Variants in FBN2 observed in about 807,000 individuals in gnomAD.
The protein encoded by FBN2 is fibrillin 2.
FBN2 carries 105 observed loss-of-function variants against 355.6 expected under a neutral mutation model. The ratio of observed to expected loss-of-function variants is 0.30; its 90% confidence interval spans 0.25 to 0.35. FBN2 has a LOEUF of 0.35. FBN2 is among the 10% of genes least tolerant of loss of function. FBN2 has a pLI of 1.00. For synonymous variants in FBN2, 1,350 were observed against 1,301.2 expected, an observed-to-expected ratio of 1.04 and a Z score of -0.81; for missense variants, 3,280 against 3,758.7, an observed-to-expected ratio of 0.87 and a Z score of 3.33.
chr5:128,273,872 A>G lies in FBN2; in HGVS notation c.7808T>C (p.Phe2603Ser), dbSNP rs374507398. ...GTTCAGTCCGGTGGCATCAAGAGAG[A>G]ACCCTCTTTGGCATTCACAGCTGAA... ...GSFSCECQRG[F>S]SLDATGLNCE... Residue 2603 changes from phenylalanine (F) to serine (S), a missense_variant, in exon 61 of 65, where the codon TTC becomes TCC. Transcript: ENST00000262464. 6.0e-5 allele frequency: 97 copies of G among 1,613,820 alleles called. No homozygotes were observed. Among genetic ancestry groups the G allele is most frequent in the Non-Finnish European group, 7.7e-5 (91 of 1,179,874 alleles).
At chr5:128,342,156 G>A (rs1314649245) in intron 25 of FBN2, among the ~76,000 whole-genome samples, 1 of 152,094 alleles carries the variant, frequency 6.6e-6, no homozygotes, top group Non-Finnish European at 1.5e-5. Flanking sequence ...AAGTCATGAT[G>A]GTAGATGAAA....
intron 58 of FBN2, among the ~76,000 whole-genome samples, chr5:128,277,391 A>T (rs1443479646): frequency 6.6e-6 from 1 of 152,194 alleles, no homozygotes; most frequent in Non-Finnish European, 1.5e-5. Flanking sequence ...TTATTTAGGT[A>T]ATGCTTACTT....
intron 7 of FBN2, among the ~76,000 whole-genome samples, chr5:128,427,946 G>T (rs1023610895): frequency 6.6e-6 from 1 of 152,150 alleles, no homozygotes; most frequent in African/African-American, 2.4e-5. Flanking sequence ...TCCTCGCTAT[G>T]TTCTCCCCAC....
At chr5:128,457,706 C>A (rs1561466691) in intron 6 of FBN2, among the ~76,000 whole-genome samples, 1 of 152,066 alleles carries the variant, frequency 6.6e-6, no homozygotes, top group Non-Finnish European at 1.5e-5. Flanking sequence ...CCAAGCTAAG[C>A]TTCATAAGCA....
Position 128,278,775 on chromosome 5 carries a change from C to A in FBN2, c.7205G>T (p.Arg2402Leu), listed in dbSNP as rs148014419. Residue 2402 changes from arginine (R) to leucine (L), a missense_variant, in exon 57 of 65, where the codon CGC becomes CTC. Transcript: ENST00000262464. Reference protein sequence around the residue: ...QTICQMASSSRNLVTKSECCC... With the variant: ...QTICQMASSSLNLVTKSECCC... ...GCATTCTGACTTAGTGACGAGATTGCGACTACTGGATGCCATTTGACATAT... is the reference window on the plus strand; with the variant it reads ...GCATTCTGACTTAGTGACGAGATTGAGACTACTGGATGCCATTTGACATAT... 6.2e-7 allele frequency: 1 copy of A among 1,614,062 alleles called. No individual in the cohort carries two copies. Among genetic ancestry groups the A allele is most frequent in the Non-Finnish European group, 8.5e-7 (1 of 1,179,984 alleles).
Position 128,361,713 on chromosome 5 carries a change from C to G in FBN2, c.2554+10G>C. 6.2e-7 allele frequency: 1 copy of G among 1,614,084 alleles called. No individual in the cohort carries two copies. Among genetic ancestry groups the G allele is most frequent in the Admixed American group, 1.7e-5 (1 of 60,024 alleles). ...CTATGCACAAATAAGGCGATGAAGA[C>G]AGCTCTTACCTTCACAGGTCTCTGT... On this transcript the variant is annotated intron_variant, in intron 19 of 64. Transcript: ENST00000262464.
At chr5:128,276,008 G>T (rs773551423) in intron 59 of FBN2, 30 bp downstream of exon 59, 12 of 1,610,764 alleles carry the variant, frequency 7.4e-6, no homozygotes, top group Admixed American at 1.7e-5. Context: ...TACAGACTAG[G>T]GTCACGATTG....
intron 6 of FBN2, among the ~76,000 whole-genome samples, chr5:128,464,145 GA>G (rs1271329497): frequency 1.3e-5 from 2 of 152,194 alleles, no homozygotes; most frequent in African/African-American, 2.4e-5. Flanking sequence ...TCAGGGCCCT[GA>G]TCTGGCCCTA....
At chr5:128,322,399 G>A (rs1386784359) in intron 34 of FBN2, among the ~76,000 whole-genome samples, 1 of 151,976 alleles carries the variant, frequency 6.6e-6, no homozygotes, top group Non-Finnish European at 1.5e-5. Flanking sequence ...GTTTTCTTCT[G>A]GCGTTTTTTA....
At chr5:128,298,541 T>C (rs1457784268) in intron 48 of FBN2, among the ~76,000 whole-genome samples, 4 of 152,112 alleles carry the variant, frequency 2.6e-5, no homozygotes, top group African/African-American at 9.7e-5. Flanking sequence ...CATTTCTTTT[T>C]ATTCTTTTTT....
chr5:128,424,635 A>C (rs1264584977), intron 7 of FBN2, among the ~76,000 whole-genome samples: 1 of 152,120 alleles, frequency 6.6e-6, no homozygotes, highest in Non-Finnish European at 1.5e-5. Flanking sequence ...CTTTGTTATC[A>C]TTAATAGGAA....
Position 128,412,571 on chromosome 5 carries a change from AAAC to A in FBN2, c.953-3775_953-3773del, listed in dbSNP as rs527973993. On this transcript the variant is annotated intron_variant, in intron 7 of 64. Transcript: ENST00000262464. ...CGAGTGAAGTTAGCTTCCAACTAAT[AAAC>A]AACAACAACAACAACAACAAAAAAC... Among the ~76,000 whole-genome samples the A allele has an allele frequency of 8.0e-3, 1,217 of 152,172 alleles. 17 individuals carry two copies. The highest frequency in any genetic ancestry group is 0.027 in the Middle Eastern group (8 of 294).
rs544018925 is a variant in FBN2, at chr5:128,430,677, C to T, written c.952+15804G>A. On this transcript the variant is annotated intron_variant, in intron 7 of 64. Coordinates refer to ENST00000262464, the MANE Select transcript of FBN2 (RefSeq NM_001999.4). ...TGACCAACATGGTGAAACCCTGTCT[C>T]TACTAAAAATACAAAAATCAGCCAG... Among the ~76,000 whole-genome samples, 13 of 152,048 alleles carry T rather than the reference C, an allele frequency of 8.5e-5. No individual in the cohort carries two copies. The East Asian group carries it at 2.5e-3, about 29-fold the overall frequency.
chr5:128,294,208 G>A (rs952298409), intron 48 of FBN2, among the ~76,000 whole-genome samples: 1 of 152,022 alleles, frequency 6.6e-6, no homozygotes, highest in Non-Finnish European at 1.5e-5. Flanking sequence ...TGGTGTATAT[G>A]TGCCACATTT....
intron 5 of FBN2, among the ~76,000 whole-genome samples, chr5:128,486,945 T>G (rs1343422903): frequency 1.3e-5 from 2 of 152,200 alleles, no homozygotes; most frequent in African/African-American, 4.8e-5. Context: ...GGACATGAAC[T>G]CATGCAACTC....
intron 59 of FBN2, 152 bp downstream of exon 59, chr5:128,275,886 G>T: frequency 1.2e-6 from 1 of 842,124 alleles, no homozygotes; most frequent in Non-Finnish European, 2.0e-6. Flanking sequence ...TGAGCATATT[G>T]GTAGAGTTTT....
chr5:128,349,444 G>A lies in FBN2; in HGVS notation c.2892C>T (p.Gly964=), dbSNP rs760168686. 8 of 1,613,894 alleles carry A rather than the reference G, an allele frequency of 5.0e-6. No homozygotes were observed. Among genetic ancestry groups the A allele is most frequent in the South Asian group, 2.2e-5 (2 of 91,042 alleles). The change falls in exon 23 of 65, where the codon GGC becomes GGT. Residue 964 remains glycine (G), a synonymous_variant. Coordinates refer to ENST00000262464, the MANE Select transcript of FBN2 (RefSeq NM_001999.4). Reference sequence around the variant, plus strand: ...TGACACAGCGTCCATTTGGACAAACGCCAGGGAACACCTCACACTCATTAA... The same window carrying A: ...TGACACAGCGTCCATTTGGACAAACACCAGGGAACACCTCACACTCATTAA... ...EDVNECEVFP[G]VCPNGRCVNS...
At chr5:128,415,380 C>G (rs1233781005) in intron 7 of FBN2, among the ~76,000 whole-genome samples, 1 of 152,136 alleles carries the variant, frequency 6.6e-6, no homozygotes, top group African/African-American at 2.4e-5. Flanking sequence ...TCCTTCCCAG[C>G]CTTTGGTAAC....
chr5:128,313,887 A>G (rs1161806259), intron 36 of FBN2, among the ~76,000 whole-genome samples: 1 of 150,786 alleles, frequency 6.6e-6, no homozygotes, highest in Non-Finnish European at 1.5e-5. Flanking sequence ...CATATCTGGA[A>G]TCTGTCTACT....
Sources: allele counts gnomAD v4.1 joint callset (sites outside exome capture counted in the v4.1 genomes callset), GRCh38; gene constraint gnomAD v4.1.1; transcripts MANE v1.5; gene names NCBI Gene and HGNC (gene_info 2026-07-23, HGNC 2026-07-21).